The following BRINP3 variants were observed in gnomAD, a reference collection of about 807,000 sequenced individuals.
BRINP3 encodes BMP/retinoic acid inducible neural specific 3.
Under a neutral mutation model 71.0 loss-of-function variants are expected in BRINP3, and 19 were observed. The observed-to-expected ratio is 0.27, with a 90% CI of 0.19 to 0.39. BRINP3 has a LOEUF of 0.39. BRINP3 is among the 10% of genes least tolerant of loss of function. BRINP3 has a pLI of 1.00. For missense variants in BRINP3, 959 were observed against 940.8 expected, an observed-to-expected ratio of 1.02 and a Z score of -0.25; for synonymous variants, 380 against 337.7, an observed-to-expected ratio of 1.13 and a Z score of -1.37.
chr1:190,379,251 T>C (rs1172976038), intron 2 of BRINP3, among the ~76,000 whole-genome samples: 2 of 152,188 alleles, frequency 1.3e-5, no homozygotes, highest in Non-Finnish European at 2.9e-5. Flanking sequence ...ATGAATTAAA[T>C]ATGTGTTTAT....
chr1:190,286,697 A>G (rs1663450949), intron 2 of BRINP3, among the ~76,000 whole-genome samples: 1 of 152,178 alleles, frequency 6.6e-6, no homozygotes, highest in Non-Finnish European at 1.5e-5. Context: ...AATAACCATT[A>G]AAATTTTCAG....
At chr1:190,183,596 C>T (rs995638933) in intron 6 of BRINP3, among the ~76,000 whole-genome samples, 11 of 152,250 alleles carry the variant, frequency 7.2e-5, no homozygotes, top group African/African-American at 2.6e-4. Context: ...CTGATACCAT[C>T]CTGATAATGG....
At chr1:190,458,605 G>A (rs931320609) in intron 1 of BRINP3, among the ~76,000 whole-genome samples, 7 of 151,882 alleles carry the variant, frequency 4.6e-5, no homozygotes, top group Admixed American at 1.3e-4. Context: ...TTTGGTTTGG[G>A]TTATAACCAT....
At chr1:190,309,976 C>G (rs1449853845) in intron 2 of BRINP3, among the ~76,000 whole-genome samples, 1 of 151,454 alleles carries the variant, frequency 6.6e-6, no homozygotes, top group Non-Finnish European at 1.5e-5. Flanking sequence ...CATAGAGATC[C>G]CTTCAGAGTC....
chr1:190,241,078 C>T (rs888621622), intron 4 of BRINP3, among the ~76,000 whole-genome samples: 2 of 151,684 alleles, frequency 1.3e-5, no homozygotes, highest in Non-Finnish European at 2.9e-5. Context: ...GTACTGGGCA[C>T]ATGGTAGAAA....
chr1:190,236,875 T>C (rs1174886279), intron 4 of BRINP3, among the ~76,000 whole-genome samples: 1 of 151,920 alleles, frequency 6.6e-6, no homozygotes, highest in African/African-American at 2.4e-5. Flanking sequence ...ACATATCACA[T>C]GAATATAAAC....
At chr1:190,308,506 G>T (rs371338990) in intron 2 of BRINP3, among the ~76,000 whole-genome samples, 19 of 145,234 alleles carry the variant, frequency 1.3e-4, no homozygotes, top group South Asian at 2.2e-4. Flanking sequence ...GTGGGGGAAG[G>T]GGGGAGGGAT....
In BRINP3 at chr1:190,287,581, T is replaced by C. The variant is rs952160488; in HGVS notation, c.237-5831A>G. Among the ~76,000 whole-genome samples, 13 of 152,260 alleles carry C rather than the reference T, an allele frequency of 8.5e-5. No homozygotes were observed. The South Asian group carries it at 2.5e-3, about 29-fold the overall frequency. ...AATCACAAATACAACTTATGTAAAG[T>C]GTTTATATGTAGGATTTCTGATAAG... is the stretch of plus-strand genomic sequence containing the variant. On this transcript the variant is annotated intron_variant, in intron 2 of 7. Coordinates refer to ENST00000367462, the MANE Select transcript of BRINP3 (RefSeq NM_199051.3).
At chr1:190,170,955 T>C (rs949630728) in intron 6 of BRINP3, among the ~76,000 whole-genome samples, 3 of 152,100 alleles carry the variant, frequency 2.0e-5, no homozygotes, top group African/African-American at 7.2e-5. Context: ...AACCATGACT[T>C]AGATATGTTG....
chr1:190,428,125 A>C (rs569513440), intron 2 of BRINP3, among the ~76,000 whole-genome samples: 1 of 151,988 alleles, frequency 6.6e-6, no homozygotes, highest in South Asian at 2.1e-4. Flanking sequence ...GTAGGAAAAA[A>C]CATAAGAATA....
chr1:190,167,983 T>C (rs1424703587), intron 6 of BRINP3, among the ~76,000 whole-genome samples: 1 of 152,152 alleles, frequency 6.6e-6, no homozygotes, highest in Non-Finnish European at 1.5e-5. Flanking sequence ...AAAATCGGTG[T>C]GAAATCAGTT....
intron 1 of BRINP3, among the ~76,000 whole-genome samples, chr1:190,459,301 T>C (rs915381786): frequency 6.6e-6 from 1 of 151,684 alleles, no homozygotes; most frequent in Non-Finnish European, 1.5e-5. Flanking sequence ...ATAAATAATA[T>C]GTGTATAATA....
At position 190,358,546 on chromosome 1, in the gene BRINP3, AC is replaced by A. The variant is rs1399059112; in HGVS notation, c.237-76797del. On this transcript the variant is annotated intron_variant, in intron 2 of 7. Coordinates refer to ENST00000367462, the MANE Select transcript of BRINP3 (RefSeq NM_199051.3). ...GGAGAGGATGTGGAGAAATAGGAACACTTTTACACTGTTGGTGGGACTGTAA... is the reference window on the plus strand; with the variant it reads ...GGAGAGGATGTGGAGAAATAGGAACATTTTACACTGTTGGTGGGACTGTAA... Among the ~76,000 whole-genome samples, 4 of 152,224 alleles carry A rather than the reference AC, an allele frequency of 2.6e-5. No homozygotes were observed. In the East Asian group the frequency reaches 7.7e-4, roughly 29 times the overall value.
intron 7 of BRINP3, among the ~76,000 whole-genome samples, chr1:190,106,416 T>C (rs1652169862): frequency 6.6e-6 from 1 of 151,704 alleles, no homozygotes; most frequent in Non-Finnish European, 1.5e-5. Flanking sequence ...ATCTCTGCAT[T>C]ATGAATTCAA....
intron 2 of BRINP3, among the ~76,000 whole-genome samples, chr1:190,390,593 T>A (rs994143259): frequency 5.3e-5 from 8 of 151,658 alleles, no homozygotes; most frequent in South Asian, 2.1e-4. Context: ...GGGTGTGAAC[T>A]CTAATAATAA....
intron 2 of BRINP3, among the ~76,000 whole-genome samples, chr1:190,312,103 A>G (rs1028741048): frequency 9.6e-5 from 13 of 135,088 alleles, no homozygotes; most frequent in Admixed American, 7.1e-4. Flanking sequence ...CTTGTAGATA[A>G]AAACATTTAA....
intron 3 of BRINP3, among the ~76,000 whole-genome samples, chr1:190,277,268 T>G (rs1381084748): frequency 1.3e-5 from 2 of 150,514 alleles, no homozygotes; most frequent in Non-Finnish European, 3.0e-5. Flanking sequence ...AGGCTGCCCA[T>G]GAAAACTCCA....
intron 2 of BRINP3, among the ~76,000 whole-genome samples, chr1:190,366,229 A>G (rs1179608187): frequency 6.6e-6 from 1 of 152,148 alleles, no homozygotes; most frequent in African/African-American, 2.4e-5. Flanking sequence ...TGCAGGGCTG[A>G]GGAGGCCTCA....
intron 4 of BRINP3, among the ~76,000 whole-genome samples, chr1:190,264,541 A>T (rs540538476): frequency 2.0e-5 from 3 of 152,158 alleles, no homozygotes; most frequent in African/African-American, 4.8e-5. Flanking sequence ...TATAAAAGAA[A>T]TTGATGTTAT....
Sources: allele counts gnomAD v4.1 joint callset (sites outside exome capture counted in the v4.1 genomes callset), GRCh38; gene constraint gnomAD v4.1.1; transcripts MANE v1.5; gene names NCBI Gene and HGNC (gene_info 2026-07-23, HGNC 2026-07-21).